Variants in PARVB observed in about 807,000 individuals in gnomAD.
PARVB encodes parvin beta.
Under a neutral mutation model 47.0 loss-of-function variants are expected in PARVB, and 46 were observed. The observed-to-expected ratio is 0.98, with a 90% CI of 0.77 to 1.25. The LOEUF (loss-of-function observed/expected upper bound fraction) is 1.25. Among genes scored for constraint, PARVB ranks in the 50% most tolerant of loss-of-function variants. The pLI is 0.00. For missense variants in PARVB, 473 were observed against 471.6 expected (o/e 1.00, Z -0.03); for synonymous variants, 196 against 196.3 (o/e 1.00, Z 0.01).
chr22:44,081,642 C>T lies in PARVB; in HGVS notation c.113-12286C>T. The T allele has an allele frequency of 4.1e-6, 4 of 984,886 alleles. No homozygotes were observed. In the South Asian group the frequency reaches 1.4e-4, roughly 35 times the overall value. The allele number at this position is 984,886 out of a possible 1,614,324, so 61.0% of individuals were successfully genotyped here. ...TTATGAAGTGCGTTTCTCTAAGAGC[C>T]TGGCAGTCTCATGGGGCTCGTCTGT... is the stretch of plus-strand genomic sequence containing the variant. On this transcript the variant is annotated intron_variant, in intron 1 of 12. Coordinates refer to ENST00000338758, the MANE Select transcript of PARVB (RefSeq NM_013327.5).
intron 4 of PARVB, among the ~76,000 whole-genome samples, chr22:44,120,587 C>A (rs573611915): frequency 1.3e-5 from 2 of 152,258 alleles, no homozygotes; most frequent in African/African-American, 4.8e-5. Flanking sequence ...ATTGGTGGTG[C>A]TGACAGTTTG....
intron 3 of PARVB, chr22:44,110,189 G>C (rs1292965392): frequency 1.3e-5 from 2 of 150,016 alleles, no homozygotes; most frequent in Non-Finnish European, 3.0e-5. Context: ...CTGTGGGTCT[G>C]TGCCTGCTTT....
At chr22:44,102,353 GGC>G (rs1352769142) in intron 3 of PARVB, among the ~76,000 whole-genome samples, 10 of 152,326 alleles carry the variant, frequency 6.6e-5, no homozygotes, top group African/African-American at 2.4e-4. Flanking sequence ...ATGTTTCATT[GGC>G]TATCTGGGCA....
At chr22:44,099,619 A>G (rs1034700708) in intron 2 of PARVB, among the ~76,000 whole-genome samples, 3 of 152,156 alleles carry the variant, frequency 2.0e-5, no homozygotes, top group African/African-American at 7.2e-5. Context: ...GGAATGTACC[A>G]AACATTTTCC....
chr22:44,046,974 G>C (rs376343078), intron 1 of PARVB, among the ~76,000 whole-genome samples: 2 of 152,284 alleles, frequency 1.3e-5, no homozygotes, highest in East Asian at 3.9e-4. Context: ...CGGGGGGTGG[G>C]GATGGCCCGG....
At chr22:44,043,724 C>G (rs2051063378) in intron 1 of PARVB, among the ~76,000 whole-genome samples, 1 of 152,234 alleles carries the variant, frequency 6.6e-6, no homozygotes, top group African/African-American at 2.4e-5. Context: ...TGAATTCTGT[C>G]TCAATAAAGC....
intron 10 of PARVB, chr22:44,152,979 G>A (rs1359511319): frequency 2.6e-5 from 4 of 152,082 alleles, no homozygotes; most frequent in Non-Finnish European, 5.9e-5. Context: ...CCATAATCCC[G>A]TCACCCGGAG....
intron 6 of PARVB, among the ~76,000 whole-genome samples, chr22:44,135,774 G>C (rs151302118): frequency 4.6e-5 from 7 of 152,292 alleles, no homozygotes; most frequent in African/African-American, 1.4e-4. Context: ...GGGTCTTCCT[G>C]CCTCCTCCAG....
chr22:44,001,001 C>A (rs1207339275), intron 2 of PARVB, among the ~76,000 whole-genome samples: 1 of 152,248 alleles, frequency 6.6e-6, no homozygotes. Flanking sequence ...GTAATCCCAG[C>A]ACTTTGGGAG....
chr22:44,094,546 G>A (rs2052252908), intron 2 of PARVB, among the ~76,000 whole-genome samples: 1 of 145,858 alleles, frequency 6.9e-6, no homozygotes, highest in East Asian at 1.9e-4. Context: ...CTGGGGTGCG[G>A]TGATATGATC....
intron 9 of PARVB, chr22:44,149,714 C>T (rs1168004951): frequency 6.6e-6 from 1 of 152,272 alleles, no homozygotes; most frequent in African/African-American, 2.4e-5. Flanking sequence ...TTCTCCGTCC[C>T]ACCACTACAC....
chr22:44,164,992 GTTTATTCTTTT>G (rs2054135758), intron 12 of PARVB, among the ~76,000 whole-genome samples: 1 of 152,046 alleles, frequency 6.6e-6, no homozygotes, highest in African/African-American at 2.4e-5. Context: ...GTGTATGGCT[GTTTATTCTTTT>G]TTGTTTTGAG....
In PARVB at chr22:44,125,304, A is replaced by G. The variant is rs938866346; in HGVS notation, c.376+6164A>G. Among the ~76,000 whole-genome samples the G allele has an allele frequency of 5.1e-4, 78 of 152,186 alleles. 2 individuals carry two copies. The highest frequency in any genetic ancestry group is 1.7e-3 in the South Asian group (8 of 4,818). On this transcript the variant is annotated intron_variant, in intron 4 of 12. Coordinates refer to ENST00000338758, the MANE Select transcript of PARVB (RefSeq NM_013327.5). The surrounding 1 kb of genome is among the most constrained non-coding windows in gnomAD (Gnocchi z 4.1). ...AGAGACACAGTGGGAAACAAGAGAG[A>G]TGAGCCCCGCACCCTGCGCCTGCCC...
intron 1 of PARVB, among the ~76,000 whole-genome samples, chr22:44,051,417 A>G (rs1018017183): frequency 6.6e-6 from 1 of 152,160 alleles, no homozygotes; most frequent in Non-Finnish European, 1.5e-5. Context: ...GGCTGGCCTC[A>G]GTGAAGCCCT....
chr22:44,008,159 T>G (rs1209944529), intron 2 of PARVB, among the ~76,000 whole-genome samples: 1 of 152,084 alleles, frequency 6.6e-6, no homozygotes, highest in Non-Finnish European at 1.5e-5. Context: ...GGAGCACAGT[T>G]GCATGATCTC....
At chr22:44,092,251 C>T (rs1268416457) in intron 1 of PARVB, among the ~76,000 whole-genome samples, 1 of 152,128 alleles carries the variant, frequency 6.6e-6, no homozygotes, top group East Asian at 1.9e-4. Context: ...GCTGGGACTA[C>T]AGGCGCACGC....
chr22:44,168,554 T>C lies in PARVB; in HGVS notation c.1019-48T>C, dbSNP rs538523559. ...TGGCTTCTGAGAGTACCTACCGCAA[T>C]GACAGGAGGATGGCACGCCTCTGAA... On this transcript the variant is annotated intron_variant, in intron 12 of 12. Coordinates refer to ENST00000338758, the MANE Select transcript of PARVB (RefSeq NM_013327.5). 10 of 1,280,340 alleles carry C rather than the reference T, an allele frequency of 7.8e-6. No individual in the cohort carries two copies. The South Asian group carries it at 1.2e-4, about 15-fold the overall frequency. The allele number at this position is 1,280,340 out of a possible 1,614,324, so 79.3% of individuals were successfully genotyped here.
chr22:44,129,889 A>G (rs1048498573), intron 4 of PARVB, among the ~76,000 whole-genome samples: 1 of 152,216 alleles, frequency 6.6e-6, no homozygotes, highest in Admixed American at 6.5e-5. Flanking sequence ...TGCCTGTCCC[A>G]TAGTAGGTGT....
intron 2 of PARVB, among the ~76,000 whole-genome samples, chr22:44,016,884 A>T (rs1294955722): frequency 6.6e-6 from 1 of 151,432 alleles, no homozygotes; most frequent in Non-Finnish European, 1.5e-5. Flanking sequence ...ATTTTATTTT[A>T]TTTTTTTTGA....
Sources: gnomAD v4.1 joint callset for allele counts (sites outside exome capture counted in the v4.1 genomes callset) on GRCh38, gnomAD v4.1.1 for gene constraint, Gnocchi (gnomAD v3.1) non-coding constraint, MANE v1.5 for transcripts, NCBI Gene and HGNC (gene_info 2026-07-23, HGNC 2026-07-21) for gene names.